The following EVL variants were observed in gnomAD, a reference collection of about 807,000 sequenced individuals.
EVL encodes the protein Enah/Vasp-like.
Under a neutral mutation model 59.6 loss-of-function variants are expected in EVL, and 21 were observed. The observed-to-expected ratio is 0.35, with a 90% CI of 0.25 to 0.51. The LOEUF is 0.51. EVL is among the 20% of genes least tolerant of loss of function. The pLI, the probability that EVL is intolerant of heterozygous loss-of-function variation, is 0.97. For synonymous variants in EVL, 198 were observed against 203.5 expected (o/e 0.97, Z 0.23); for missense variants, 462 against 546.6 (o/e 0.85, Z 1.54).
chr14:100,004,182 C>G (rs933540838), intron 1 of EVL, among the ~76,000 whole-genome samples: 2 of 152,142 alleles, frequency 1.3e-5, no homozygotes, highest in Non-Finnish European at 2.9e-5. Context: ...CCAGCCTGGG[C>G]GACAGAGTGA....
rs1351027691 is a variant in EVL at position 99,972,486 on chromosome 14, G to C, written c.5+429G>C. On this transcript the variant is annotated intron_variant, in intron 1 of 13. Transcript: ENST00000402714. The surrounding 1 kb of genome is among the most constrained non-coding windows in gnomAD (Gnocchi z 4.4). Reference sequence around the variant, plus strand: ...GGAGGAGGCTGGCCTGAAGCCCCCAGGCGTTGCCGAAGCCTCCCCCTGCCA... The same window carrying C: ...GGAGGAGGCTGGCCTGAAGCCCCCACGCGTTGCCGAAGCCTCCCCCTGCCA... Among the ~76,000 whole-genome samples, 2 of 152,180 alleles carry C rather than the reference G, an allele frequency of 1.3e-5. No individual in the cohort carries two copies. The highest frequency in any genetic ancestry group is 2.9e-5 in the Non-Finnish European group (2 of 68,016).
chr14:100,045,004 A>T (rs1237778161), intron 1 of EVL, among the ~76,000 whole-genome samples: 1 of 152,222 alleles, frequency 6.6e-6, no homozygotes, highest in Non-Finnish European at 1.5e-5. Context: ...CTAGGCATAG[A>T]GACAATAAAA....
Position 100,129,615 on chromosome 14 carries a change from C to T in EVL, c.770C>T (p.Ala257Val). 6.2e-7 allele frequency: 1 copy of T among 1,613,416 alleles called. No homozygotes were observed. Among genetic ancestry groups the T allele is most frequent in the Non-Finnish European group, 8.5e-7 (1 of 1,179,766 alleles). The change falls in exon 7 of 14, where the codon GCC (alanine) becomes GTC (valine). Residue 257 changes from alanine (A) to valine (V), a missense_variant. By Grantham distance (64) the Ala-to-Val change is moderately conservative (BLOSUM62 0). Transcript: ENST00000392920. ...CCCAGTGGGACCTCAAAGTCCGATG[C>T]CAACCGGGCAAGCAGCGGGGGTGGC... The part of the protein sequence containing the change: ...SSPSGTSKSD[A>V]NRASSGGGGG...
intron 1 of EVL, among the ~76,000 whole-genome samples, chr14:100,014,298 CTTAAA>C (rs143585972): frequency 0.038 from 5,776 of 152,206 alleles, 148 homozygotes; most frequent in African/African-American, 0.062. Flanking sequence ...TAATTTTTAA[CTTAAA>C]TTTAATTTTT....
chr14:100,057,589 G>A (rs563065040), intron 1 of EVL, among the ~76,000 whole-genome samples: 2 of 152,240 alleles, frequency 1.3e-5, no homozygotes, highest in South Asian at 2.1e-4. Context: ...GGCTTAGGCA[G>A]GCCCTATCAG....
chr14:99,985,864 T>C (rs1196707265), intron 1 of EVL, among the ~76,000 whole-genome samples: 1 of 152,212 alleles, frequency 6.6e-6, no homozygotes, highest in African/African-American at 2.4e-5. Flanking sequence ...TCTGGCCTGC[T>C]GAAGTCCTTT....
chr14:100,113,522 G>A (rs1659597438), intron 3 of EVL, among the ~76,000 whole-genome samples: 2 of 152,108 alleles, frequency 1.3e-5, no homozygotes, highest in South Asian at 4.1e-4. Flanking sequence ...GCTGGCCCAG[G>A]GTCAAAGGCC....
At position 100,143,775 on chromosome 14, in the gene EVL, C is replaced by T. The variant is rs1482267647; in HGVS notation, c.*37C>T. 6.2e-7 allele frequency: 1 copy of T among 1,605,000 alleles called. No homozygotes were observed. The highest frequency in any genetic ancestry group is 8.5e-7 in the Non-Finnish European group (1 of 1,176,060). On this transcript the variant is annotated 3_prime_UTR_variant, in exon 14 of 14. Transcript: ENST00000392920. ...CGCTGCGCTGATTCGTCGAGCCCAT[C>T]CGGCGACAGAGGACAGCCAGAAGCC...
chr14:99,995,958 A>G (rs1428541336), intron 1 of EVL, among the ~76,000 whole-genome samples: 4 of 152,082 alleles, frequency 2.6e-5, no homozygotes, highest in East Asian at 1.9e-4. Context: ...GTGGTACTGC[A>G]CACTCTCTGG....
At chr14:100,005,273 G>A (rs533459238) in intron 1 of EVL, among the ~76,000 whole-genome samples, 43 of 152,200 alleles carry the variant, frequency 2.8e-4, no homozygotes, top group Non-Finnish European at 5.1e-4. Flanking sequence ...CTGTGGACTA[G>A]ACTGCCTAAA....
intron 1 of EVL, among the ~76,000 whole-genome samples, chr14:100,075,359 C>G (rs1324069965): frequency 6.6e-6 from 1 of 152,258 alleles, no homozygotes; most frequent in African/African-American, 2.4e-5. Flanking sequence ...CGCTCCCATC[C>G]AGGAGGCTCC....
intron 1 of EVL, among the ~76,000 whole-genome samples, chr14:100,008,820 G>A (rs1049982895): frequency 3.7e-4 from 56 of 152,224 alleles, no homozygotes; most frequent in African/African-American, 1.3e-3. Context: ...TTGGGTGTTG[G>A]GGCTTTTTGT....
chr14:100,140,579 G>C (rs1277402842), intron 11 of EVL: 1 of 151,966 alleles, frequency 6.6e-6, no homozygotes, highest in African/African-American at 2.4e-5. Context: ...TTGCGCCATT[G>C]CACTCCAATC....
chr14:99,972,644 A>G lies in EVL; in HGVS notation c.5+587A>G, dbSNP rs1317114497. On this transcript the variant is annotated intron_variant, in intron 1 of 13. Coordinates refer to the EVL transcript ENST00000402714. This position sits in a 1 kb window ranked among gnomAD's most constrained non-coding sequence, Gnocchi z 4.4. ...ACGCCAGTAAAGTGCAAGGCCCCCA[A>G]ATGTACCGCTCGTTGATGTATCACC... Among the ~76,000 whole-genome samples, 1 of 151,844 alleles carries G rather than the reference A, an allele frequency of 6.6e-6. No homozygotes were observed.
chr14:100,055,640 G>A (rs2061717196), intron 1 of EVL, among the ~76,000 whole-genome samples: 1 of 152,144 alleles, frequency 6.6e-6, no homozygotes. Context: ...TTTTACCCTA[G>A]CTGAGGTGTA....
chr14:99,973,191 C>T (rs563351159), intron 1 of EVL, among the ~76,000 whole-genome samples: 1 of 152,272 alleles, frequency 6.6e-6, no homozygotes, highest in Non-Finnish European at 1.5e-5. Context: ...ATATCTTTAG[C>T]ATTAGCGGTA....
At chr14:100,050,782 C>A in intron 1 of EVL, among the ~76,000 whole-genome samples, 1 of 147,518 alleles carries the variant, frequency 6.8e-6, no homozygotes, top group African/African-American at 2.5e-5. Context: ...TCACTCTGTC[C>A]CCCAGGCTGA....
chr14:100,138,051 G>A (rs186100714), intron 11 of EVL: 7 of 584,346 alleles, frequency 1.2e-5, no homozygotes, highest in Admixed American at 6.1e-5. Context: ...TGCAGGGGGG[G>A]GCCAACATGG....
chr14:100,073,539 C>T (rs896957830), intron 1 of EVL, among the ~76,000 whole-genome samples: 1 of 152,038 alleles, frequency 6.6e-6, no homozygotes, highest in Non-Finnish European at 1.5e-5. Flanking sequence ...AGGCTGGTCT[C>T]GAACTCCTGG....
Sources: allele counts gnomAD v4.1 joint callset (sites outside exome capture counted in the v4.1 genomes callset), GRCh38; gene constraint gnomAD v4.1.1; non-coding constraint Gnocchi (gnomAD v3.1); transcripts MANE v1.5; gene names NCBI Gene and HGNC (gene_info 2026-07-23, HGNC 2026-07-21).